The following SLC18B1 variants were observed in gnomAD, a reference collection of about 807,000 sequenced individuals.
SLC18B1 encodes the protein MFS-type transporter SLC18B1.
SLC18B1 carries 62 observed loss-of-function variants against 53.9 expected under a neutral mutation model. The ratio of observed to expected loss-of-function variants is 1.15; its 90% CI spans 0.94 to 1.42. The LOEUF (loss-of-function observed/expected upper bound fraction) is 1.42. Among genes scored for constraint, SLC18B1 ranks in the 40% most tolerant of loss-of-function variants. SLC18B1 has a pLI of 0.00. For missense variants in SLC18B1, 598 were observed against 547.3 expected, an observed-to-expected ratio of 1.09 and a Z score of -0.93; for synonymous variants, 217 against 200.9, an observed-to-expected ratio of 1.08 and a Z score of -0.68.
At position 132,792,280 on chromosome 6, in the gene SLC18B1, A is replaced by AAAGAAAGAAAGAAAGAAAGAAAG. The variant is rs1554223267; in HGVS notation, c.184-2009_184-2008insCTTTCTTTCTTTCTTTCTTTCTT. ...GAAAGAAAGAAAGAAAGAAAGAAAG[A>AAAGAAAGAAAGAAAGAAAGAAAG]AAGGAAGAAAGGAAGGAAGGAAGGA... On this transcript the variant is annotated intron_variant, in intron 2 of 13. Transcript: ENST00000275227. Among the ~76,000 whole-genome samples, 28 of 42,696 alleles carry AAAGAAAGAAAGAAAGAAAGAAAG rather than the reference A, an allele frequency of 6.6e-4. 2 individuals are homozygous for AAAGAAAGAAAGAAAGAAAGAAAG. The highest frequency in any genetic ancestry group is 3.6e-3 in the African/African-American group (28 of 7,866). The allele number at this position is 42,696 out of a possible 152,430, so 28.0% of individuals were successfully genotyped here. A position where few individuals can be genotyped will look rare whatever the true frequency, so the allele number is the denominator to read the frequency against.
chr6:132,795,173 A>G (rs1364561979), intron 2 of SLC18B1, among the ~76,000 whole-genome samples: 5 of 152,170 alleles, frequency 3.3e-5, no homozygotes, highest in African/African-American at 4.8e-5. Flanking sequence ...AAAAAAGAAA[A>G]AAAAAAACAG....
intron 2 of SLC18B1, among the ~76,000 whole-genome samples, chr6:132,792,279 GAAAGGA>G (rs1781553459): frequency 1.8e-5 from 1 of 54,396 alleles, no homozygotes; most frequent in African/African-American, 1.2e-4. Flanking sequence ...AAGAAAGAAA[GAAAGGA>G]AGAAAGGAAG....
At chr6:132,786,605 A>G (rs1463170246) in intron 5 of SLC18B1, among the ~76,000 whole-genome samples, 1 of 152,058 alleles carries the variant, frequency 6.6e-6, no homozygotes, top group Non-Finnish European at 1.5e-5. Context: ...TTACACCACA[A>G]AGGGTTTATC....
intron 2 of SLC18B1, among the ~76,000 whole-genome samples, chr6:132,796,354 C>CTAAAA (rs1781684870): frequency 2.2e-5 from 1 of 44,704 alleles, no homozygotes; most frequent in African/African-American, 1.1e-4. Context: ...GACTCCATCT[C>CTAAAA]AAAAAAAAAA....
intron 4 of SLC18B1, among the ~76,000 whole-genome samples, chr6:132,787,978 G>A (rs1286926734): frequency 4.0e-5 from 6 of 151,890 alleles, no homozygotes; most frequent in South Asian, 2.1e-4. Flanking sequence ...TGGCCAACAC[G>A]GTGAAACCCC....
intron 2 of SLC18B1, among the ~76,000 whole-genome samples, chr6:132,794,674 T>C (rs1243720219): frequency 6.6e-6 from 1 of 152,150 alleles, no homozygotes. Flanking sequence ...TCCATCTCTG[T>C]TGTTCACCAT....
intron 2 of SLC18B1, among the ~76,000 whole-genome samples, chr6:132,792,240 A>AAAGGAAGAAAGGAAGAAAGG (rs1781545231): frequency 2.5e-4 from 2 of 7,922 alleles, no homozygotes; most frequent in African/African-American, 1.3e-3. Context: ...AGAAAGAAAG[A>AAAGGAAGAAAGGAAGAAAGG]AAGAAAGAAA....
chr6:132,797,099 TG>T lies in SLC18B1; in HGVS notation c.65del (p.Ala22GlufsTer16). 1 of 1,613,824 alleles carries T rather than the reference TG, an allele frequency of 6.2e-7. No homozygotes were observed. Among genetic ancestry groups the T allele is most frequent in the East Asian group, 2.2e-5 (1 of 44,882 alleles). On this transcript the variant is annotated frameshift_variant, in exon 2 of 14. Coordinates refer to ENST00000275227, the MANE Select transcript of SLC18B1 (RefSeq NM_052831.3). LOFTEE classifies it high-confidence loss of function. ...TCGAAAGCCACCCGGGGGTCTCTCC[TG>T]CACTTCCTGCAGGATCATCACCTTG... ...APGGDDPAGS[A>X]GETPGWLSRE...
In SLC18B1 at chr6:132,798,460, C is replaced by G; in HGVS notation, c.-4G>C. The G allele has an allele frequency of 6.6e-7, 1 of 1,518,878 alleles. No homozygotes were observed. Among genetic ancestry groups the G allele is most frequent in the Non-Finnish European group, 8.9e-7 (1 of 1,129,450 alleles). 94.1% of individuals were successfully genotyped at this position (1,518,878 alleles called of 1,614,324 possible). ...CCAGGTCACCCAGCGCCTCCATCCC[C>G]GGTGCGTGGACTCCGGCGCCCCAGC... is the stretch of plus-strand genomic sequence containing the variant. On this transcript the variant is annotated 5_prime_UTR_variant, in exon 1 of 14. Coordinates refer to ENST00000275227, the MANE Select transcript of SLC18B1 (RefSeq NM_052831.3).
At chr6:132,786,027 A>G (rs1781361668) in intron 5 of SLC18B1, among the ~76,000 whole-genome samples, 1 of 152,160 alleles carries the variant, frequency 6.6e-6, no homozygotes, top group African/African-American at 2.4e-5. Context: ...AGGTCTAAAG[A>G]CATTAATGTG....
Position 132,784,005 on chromosome 6 carries a change from C to A in SLC18B1, c.586G>T (p.Val196Leu). 6.2e-7 allele frequency: 1 copy of A among 1,611,464 alleles called. No individual in the cohort carries two copies. The highest frequency in any genetic ancestry group is 8.5e-7 in the Non-Finnish European group (1 of 1,178,884). ...ACGCATCCCAGAACAATAAAAGGCA[C>A]TTCATAGCCAAAGGATTGATACAAA... is the stretch of plus-strand genomic sequence containing the variant. ...GFLYQSFGYE[V>L]PFIVLGCVVL... Residue 196 changes from valine to leucine, a missense_variant, in exon 6 of 14, where the codon GTG becomes TTG. Physicochemically the swap from Val to Leu is conservative, Grantham distance 32. Transcript: ENST00000275227.
chr6:132,779,024 G>A (rs1252603655), intron 7 of SLC18B1, among the ~76,000 whole-genome samples: 8 of 152,208 alleles, frequency 5.3e-5, no homozygotes, highest in Non-Finnish European at 7.3e-5. Flanking sequence ...AATGACACGA[G>A]CAAGTTCTTG....
intron 8 of SLC18B1, among the ~76,000 whole-genome samples, chr6:132,775,232 A>T (rs757912675): frequency 1.3e-5 from 2 of 152,242 alleles, no homozygotes; most frequent in Non-Finnish European, 2.9e-5. Context: ...CCCTCATCAG[A>T]CATCAAATCT....
chr6:132,796,016 C>T (rs1057041704), intron 2 of SLC18B1, among the ~76,000 whole-genome samples: 7 of 151,896 alleles, frequency 4.6e-5, no homozygotes, highest in African/African-American at 1.5e-4. Flanking sequence ...AGATCGAAGC[C>T]AGACTGCCCA....
chr6:132,775,016 G>A (rs1422351771), intron 8 of SLC18B1, among the ~76,000 whole-genome samples: 1 of 152,164 alleles, frequency 6.6e-6, no homozygotes, highest in African/African-American at 2.4e-5. Context: ...GAATGCTTAT[G>A]TCCCCCCAAA....
Position 132,798,419 on chromosome 6 carries a change from G to C in SLC18B1, c.38C>G (p.Pro13Arg), listed in dbSNP as rs1222195743. The part of the protein sequence containing the change: ...ALGDLEGPRA[P>R]GGDDPAGSAG... The stretch of plus-strand genomic sequence containing the variant: ...GCCACGCAATTCATGGTCACCTCCT[G>C]GTGCGCGTGGTCCCTCCAGGTCACC... Residue 13 changes from proline (P) to arginine (R), a missense_variant, in exon 1 of 14, where the codon CCA becomes CGA. By Grantham distance (103) the Pro-to-Arg change is moderately radical. Transcript: ENST00000275227. The C allele has an allele frequency of 1.3e-6, 2 of 1,534,342 alleles. No homozygotes were observed. Among genetic ancestry groups the C allele is most frequent in the Admixed American group, 2.1e-5 (1 of 48,282 alleles).
Position 132,773,089 on chromosome 6 carries a change from C to G in SLC18B1, c.990-1G>C. 3.1e-6 allele frequency: 5 copies of G among 1,610,498 alleles called. No homozygotes were observed. Among genetic ancestry groups the G allele is most frequent in the Non-Finnish European group, 3.4e-6 (4 of 1,176,876 alleles). On this transcript the variant is annotated splice_acceptor_variant, in intron 9 of 13. Transcript: ENST00000275227. LOFTEE classifies it high-confidence loss of function. ...TATCAGCACCAGCAGCCAGAGCTGA[C>G]TGCAAAAGGGTTTTGGAGAAAACAA...
intron 7 of SLC18B1, among the ~76,000 whole-genome samples, chr6:132,777,032 C>G (rs994401695): frequency 2.6e-5 from 4 of 151,922 alleles, no homozygotes; most frequent in Non-Finnish European, 5.9e-5. Flanking sequence ...CAAGCCTGGC[C>G]AACATGAGGA....
intron 6 of SLC18B1, among the ~76,000 whole-genome samples, chr6:132,780,505 T>C (rs1243904315): frequency 6.6e-6 from 1 of 152,086 alleles, no homozygotes; most frequent in Non-Finnish European, 1.5e-5. Context: ...TTCAGCTATT[T>C]TAAGTGTTAT....
Sources: gnomAD v4.1 joint callset for allele counts (sites outside exome capture counted in the v4.1 genomes callset) on GRCh38, gnomAD v4.1.1 for gene constraint, MANE v1.5 for transcripts, NCBI Gene and HGNC (gene_info 2026-07-23, HGNC 2026-07-21) for gene names.